TRIM33: variants seen among roughly 807,000 people sequenced by gnomAD.
The protein encoded by TRIM33 is E3 ubiquitin-protein ligase TRIM33.
TRIM33 carries 20 observed loss-of-function variants against 125.4 expected under a neutral mutation model. That is an observed-to-expected ratio of 0.16 (90% confidence interval 0.11 to 0.23). The LOEUF (loss-of-function observed/expected upper bound fraction) is 0.23. Ranked by LOEUF, TRIM33 falls within the 10% of genes least tolerant of loss-of-function variation. The pLI is 1.00. For missense variants in TRIM33, 920 were observed against 1,411.4 expected, an observed-to-expected ratio of 0.65 and a Z score of 5.58; for synonymous variants, 564 against 513.9, an observed-to-expected ratio of 1.10 and a Z score of -1.32.
intron 4 of TRIM33, among the ~76,000 whole-genome samples, chr1:114,456,804 G>A (rs748964230): frequency 1.4e-4 from 22 of 152,074 alleles, no homozygotes; most frequent in Non-Finnish European, 2.5e-4. Context: ...GAAGACCAAG[G>A]CAGGACTAAT....
chr1:114,415,012 T>TTTTTTTTTTA (rs1652845937), intron 11 of TRIM33, among the ~76,000 whole-genome samples: 1 of 142,932 alleles, frequency 7.0e-6, no homozygotes. Flanking sequence ...TTTTTTTTTT[T>TTTTTTTTTTA]GAGACAGGGT....
chr1:114,452,233 G>A (rs919161972), intron 4 of TRIM33, among the ~76,000 whole-genome samples: 9 of 152,078 alleles, frequency 5.9e-5, no homozygotes, highest in Non-Finnish European at 1.3e-4. Flanking sequence ...CAGCACTGGT[G>A]GGCGGATCAC....
intron 3 of TRIM33, 56 bp downstream of exon 3, chr1:114,463,356 G>T: frequency 4.5e-6 from 7 of 1,560,676 alleles, no homozygotes; most frequent in Admixed American, 1.9e-5. Context: ...TTCTATAGGG[G>T]CAAAAGAAGG....
chr1:114,463,062 C>T, intron 4 of TRIM33, 42 bp downstream of exon 4: 1 of 1,504,012 alleles, frequency 6.6e-7, no homozygotes, highest in South Asian at 1.4e-5. Flanking sequence ...TTTACAAGCA[C>T]TTTTTATAGT....
At position 114,392,956 on chromosome 1, in the gene TRIM33, T is replaced by C; in HGVS notation, c.*4692A>G. On this transcript the variant is annotated 3_prime_UTR_variant, in exon 20 of 20. Transcript: ENST00000358465. ...TAACCATGAAAAGAAAAAACTTGCTTTTATTACACACCAGCAAAAACACAG... is the reference window on the plus strand; with the variant it reads ...TAACCATGAAAAGAAAAAACTTGCTCTTATTACACACCAGCAAAAACACAG... 5.0e-6 allele frequency: 1 copy of C among 200,372 alleles called. No homozygotes were observed. The highest frequency in any genetic ancestry group is 1.0e-5 in the Non-Finnish European group (1 of 96,958). 12.4% of individuals were successfully genotyped at this position (200,372 alleles called of 1,614,324 possible).
chr1:114,484,927 CT>C (rs1201580619), intron 1 of TRIM33, among the ~76,000 whole-genome samples: 2 of 151,982 alleles, frequency 1.3e-5, no homozygotes, highest in Non-Finnish European at 2.9e-5. Flanking sequence ...TGGCACATGC[CT>C]GTAATCCCAC....
chr1:114,427,259 C>T lies in TRIM33; in HGVS notation c.1338G>A (p.Arg446=), dbSNP rs1647646464. 6.3e-7 allele frequency: 1 copy of T among 1,598,458 alleles called. No individual in the cohort carries two copies. The highest frequency in any genetic ancestry group is 1.3e-5 in the African/African-American group (1 of 74,504). Residue 446 remains arginine (R), a synonymous_variant, in exon 8 of 20, where the codon CGG becomes CGA. Coordinates refer to ENST00000358465, the MANE Select transcript of TRIM33 (RefSeq NM_015906.4). ...TFQLRHILKA[R]CDPVPAANGA... The stretch of plus-strand genomic sequence containing the variant: ...CATTAGCAGCAGGGACAGGATCACA[C>T]CGTGCTTTCAAAATATGACGCAACT...
At chr1:114,453,371 A>T (rs1374626197) in intron 4 of TRIM33, among the ~76,000 whole-genome samples, 1 of 152,020 alleles carries the variant, frequency 6.6e-6, no homozygotes, top group East Asian at 1.9e-4. Flanking sequence ...CAGGAAAAAA[A>T]AAAAAAAAGA....
chr1:114,437,128 T>C (rs927553635), intron 4 of TRIM33, among the ~76,000 whole-genome samples: 4 of 152,216 alleles, frequency 2.6e-5, no homozygotes, highest in African/African-American at 9.6e-5. Context: ...TGTTTCTAAA[T>C]ATATCTTGTT....
At chr1:114,442,678 A>G (rs1038008580) in intron 4 of TRIM33, among the ~76,000 whole-genome samples, 1 of 137,556 alleles carries the variant, frequency 7.3e-6, no homozygotes, top group Non-Finnish European at 1.5e-5. Flanking sequence ...ACAAAGCAAG[A>G]CTCTGTCTCA....
rs181601449 is a variant in TRIM33, at chr1:114,398,230, T to C, written c.3121-240A>G. On this transcript the variant is annotated intron_variant, in intron 18 of 19. Transcript: ENST00000358465. ...TCTTATTTTGAATTATCAAGGTCAA[T>C]CTGAATAGGAATTGGTCTGAACACA... is the stretch of plus-strand genomic sequence containing the variant. 3.3e-5 allele frequency among the ~76,000 whole-genome samples: 5 copies of C among 152,338 alleles called. No individual in the cohort carries two copies. In the East Asian group the frequency reaches 9.6e-4, roughly 29 times the overall value.
At chr1:114,421,199 T>C (rs1653259240) in intron 11 of TRIM33, among the ~76,000 whole-genome samples, 2 of 151,936 alleles carry the variant, frequency 1.3e-5, no homozygotes, top group Admixed American at 6.6e-5. Context: ...AAACAGAGGA[T>C]AGAAAGATGG....
At chr1:114,490,467 A>G (rs975617681) in intron 1 of TRIM33, among the ~76,000 whole-genome samples, 4 of 152,230 alleles carry the variant, frequency 2.6e-5, no homozygotes, top group Admixed American at 6.5e-5. Flanking sequence ...GCCACTTCAG[A>G]TAACAGTTGG....
intron 11 of TRIM33, among the ~76,000 whole-genome samples, chr1:114,418,392 G>T (rs1406639903): frequency 6.6e-6 from 1 of 152,178 alleles, no homozygotes; most frequent in Non-Finnish European, 1.5e-5. Context: ...AAAGAGTCGG[G>T]GAGGATCTGA....
chr1:114,443,284 T>C (rs1347735425), intron 4 of TRIM33, among the ~76,000 whole-genome samples: 1 of 152,076 alleles, frequency 6.6e-6, no homozygotes, highest in Non-Finnish European at 1.5e-5. Context: ...CTCAGGAGGC[T>C]GAGGTGGGAG....
Position 114,392,864 on chromosome 1 carries a change from T to C in TRIM33, c.*4784A>G, listed in dbSNP as rs184072569. 12 of 187,470 alleles carry C rather than the reference T, an allele frequency of 6.4e-5. No homozygotes were observed. Among genetic ancestry groups the C allele is most frequent in the Admixed American group, 1.9e-4 (3 of 16,140 alleles). 11.6% of individuals were successfully genotyped at this position (187,470 alleles called of 1,614,324 possible). On this transcript the variant is annotated 3_prime_UTR_variant, in exon 20 of 20. Transcript: ENST00000358465. ...AAACAAGGGTTTAAAACTAATCTAA[T>C]ACAACTTCTACAACACATTCCAGAG...
Position 114,397,589 on chromosome 1 carries a change from G to GTTTTTTTTTTTTTTTT in TRIM33, c.*43_*58dup, listed in dbSNP as rs66490349. The GTTTTTTTTTTTTTTTT allele has an allele frequency of 1.9e-5, 12 of 640,656 alleles. No homozygotes were observed. The highest frequency in any genetic ancestry group is 6.8e-5 in the Admixed American group (2 of 29,518). 39.7% of individuals were successfully genotyped at this position (640,656 alleles called of 1,614,324 possible). On this transcript the variant is annotated 3_prime_UTR_variant, in exon 20 of 20. Coordinates refer to ENST00000358465, the MANE Select transcript of TRIM33 (RefSeq NM_015906.4). The stretch of plus-strand genomic sequence containing the variant: ...CTTAAAAGTTTTCTGGGTTTTTTGT[G>GTTTTTTTTTTTTTTTT]TTTTTTTTTTTTTTTTCGTTTTTTT...
Position 114,405,418 on chromosome 1 carries a change from G to C in TRIM33, c.2760C>G (p.Ser920Arg). ...HLTCHVPTLL[S>R]FPSGDWICTF... The stretch of plus-strand genomic sequence containing the variant: ...AATTATTTCACTGGTACCTTGGAAA[G>C]CTAAGTAGTGTTGGAACATGACAAG... Residue 920 changes from serine (S) to arginine (R), a missense_variant, in exon 15 of 20, where the codon AGC becomes AGG. By Grantham distance (110) the Ser-to-Arg change is moderately radical. Around this residue, in one of 8 missense-constraint regions of TRIM33, gnomAD observed 9 missense variants for 56.2 expected, o/e 0.16. Transcript: ENST00000358465. 1 of 1,605,258 alleles carries C rather than the reference G, an allele frequency of 6.2e-7. No homozygotes were observed.
chr1:114,406,278 G>A (rs1328183491), intron 14 of TRIM33, among the ~76,000 whole-genome samples: 2 of 152,030 alleles, frequency 1.3e-5, no homozygotes, highest in South Asian at 2.1e-4. Flanking sequence ...CAAAACCAAG[G>A]CTGAATCTCT....
Sources: allele counts gnomAD v4.1 joint callset (sites outside exome capture counted in the v4.1 genomes callset), GRCh38; gene constraint gnomAD v4.1.1; regional missense constraint gnomAD v4.1.1; transcripts MANE v1.5; gene names NCBI Gene and HGNC (gene_info 2026-07-23, HGNC 2026-07-21).